ERBB4: variants seen among roughly 807,000 people sequenced by gnomAD.
The protein encoded by ERBB4 is erb-b2 receptor tyrosine kinase 4, also known as receptor tyrosine-protein kinase erbB-4.
In ERBB4, 42 loss-of-function variants were observed where a neutral mutation model predicts 158.0. The observed-to-expected ratio is 0.27, with a 90% confidence interval of 0.21 to 0.34. The LOEUF (loss-of-function observed/expected upper bound fraction) is 0.34. Ranked by LOEUF, ERBB4 falls within the 10% of genes least tolerant of loss-of-function variation. The probability of loss-of-function intolerance (pLI) is 1.00; values close to 1 mark genes in which losing one functional copy is unlikely to be tolerated. For missense variants in ERBB4, 1,333 were observed against 1,624.1 expected (o/e 0.82, Z 3.08); for synonymous variants, 583 against 558.7 (o/e 1.04, Z -0.61).
At chr2:211,903,797 A>G (rs2079302177) in intron 3 of ERBB4, among the ~76,000 whole-genome samples, 1 of 151,984 alleles carries the variant, frequency 6.6e-6, no homozygotes, top group African/African-American at 2.4e-5. Context: ...AAGAAAAAAA[A>G]AAGCACCTTT....
At chr2:212,410,905 G>A (rs1353051831) in intron 1 of ERBB4, among the ~76,000 whole-genome samples, 1 of 151,888 alleles carries the variant, frequency 6.6e-6, no homozygotes, top group Non-Finnish European at 1.5e-5. Flanking sequence ...TTAATTTGTA[G>A]CCTCAAAATA....
intron 1 of ERBB4, among the ~76,000 whole-genome samples, chr2:212,340,749 T>A (rs1316843293): frequency 1.3e-5 from 2 of 152,182 alleles, no homozygotes; most frequent in Non-Finnish European, 2.9e-5. Context: ...CTACCTGCGG[T>A]GCAGCCTGGT....
At chr2:211,671,623 A>T (rs2071842766) in intron 14 of ERBB4, among the ~76,000 whole-genome samples, 1 of 152,164 alleles carries the variant, frequency 6.6e-6, no homozygotes, top group Non-Finnish European at 1.5e-5. Context: ...AGGGCCTATG[A>T]TGATTCCCAG....
intron 20 of ERBB4, among the ~76,000 whole-genome samples, chr2:211,506,476 A>G (rs2065754345): frequency 1.3e-5 from 2 of 152,108 alleles, no homozygotes; most frequent in African/African-American, 2.4e-5. Context: ...CTTTCATCTG[A>G]ACATGGAACA....
chr2:211,544,145 T>C (rs192708178), intron 20 of ERBB4, among the ~76,000 whole-genome samples: 103 of 152,164 alleles, frequency 6.8e-4, no homozygotes, highest in African/African-American at 2.4e-3. Flanking sequence ...CGTGTTTTAA[T>C]AGAAACTTTT....
chr2:212,046,644 T>A (rs983064938), intron 2 of ERBB4, among the ~76,000 whole-genome samples: 4 of 152,316 alleles, frequency 2.6e-5, no homozygotes, highest in African/African-American at 9.6e-5. Context: ...GATTCTTATA[T>A]TTTTCCACCA....
rs370096741 is a variant in ERBB4 at position 211,665,486 on chromosome 2, T to C, written c.1717-9A>G. On this transcript the variant is annotated splice_polypyrimidine_tract_variant and intron_variant, in intron 14 of 27. Transcript: ENST00000342788. ...GTACAGTTGTCAGGACCCTGAAATGTGAAAACGAAAAAAAAAGAAAAAAGA... is the reference window on the plus strand; with the variant it reads ...GTACAGTTGTCAGGACCCTGAAATGCGAAAACGAAAAAAAAAGAAAAAAGA... The C allele has an allele frequency of 4.3e-6, 7 of 1,613,420 alleles. No homozygotes were observed. Among genetic ancestry groups the C allele is most frequent in the Non-Finnish European group, 5.9e-6 (7 of 1,179,786 alleles).
chr2:211,941,465 A>G (rs906588480), intron 3 of ERBB4, among the ~76,000 whole-genome samples: 3 of 152,124 alleles, frequency 2.0e-5, no homozygotes, highest in Admixed American at 2.0e-4. Context: ...CAGAATGAAT[A>G]TGTCTCTTGT....
chr2:212,269,458 C>T (rs2085266078), intron 1 of ERBB4, among the ~76,000 whole-genome samples: 1 of 151,774 alleles, frequency 6.6e-6, no homozygotes, highest in Admixed American at 6.6e-5. Flanking sequence ...GATCCACATC[C>T]ATCAAAAGCA....
chr2:212,282,581 T>C (rs1291620404), intron 1 of ERBB4, among the ~76,000 whole-genome samples: 3 of 151,896 alleles, frequency 2.0e-5, no homozygotes, highest in South Asian at 2.1e-4. Context: ...AATATACTTG[T>C]TATTTACTAT....
chr2:212,532,760 TC>T (rs1376017148), intron 1 of ERBB4, among the ~76,000 whole-genome samples: 2 of 152,220 alleles, frequency 1.3e-5, no homozygotes, highest in African/African-American at 4.8e-5. Flanking sequence ...CATGCACTAT[TC>T]CTATTAAAGT....
rs114812745 is a variant in ERBB4, at chr2:212,509,318, C to T, written c.82+29131G>A. Among the ~76,000 whole-genome samples, 1,515 of 152,002 alleles carry T rather than the reference C, an allele frequency of 1.0e-2. 27 individuals are homozygous for T. Among genetic ancestry groups the T allele is most frequent in the African/African-American group, 0.034 (1,429 of 41,508 alleles). On this transcript the variant is annotated intron_variant, in intron 1 of 27. Coordinates refer to ENST00000342788, the MANE Select transcript of ERBB4 (RefSeq NM_005235.3). ...GTACAATCATTTTCCCATTATGACT[C>T]TTGTGTCCATTTGGTATGTGTTTTT...
chr2:211,733,105 G>A (rs1462390152), intron 5 of ERBB4, among the ~76,000 whole-genome samples: 1 of 152,160 alleles, frequency 6.6e-6, no homozygotes, highest in Non-Finnish European at 1.5e-5. Flanking sequence ...GTGTCAAAGA[G>A]GTAAGGGATT....
chr2:211,600,614 G>A (rs2068770286), intron 19 of ERBB4, among the ~76,000 whole-genome samples: 1 of 152,110 alleles, frequency 6.6e-6, no homozygotes, highest in Non-Finnish European at 1.5e-5. Flanking sequence ...TTTATTCAGA[G>A]TACCAGGTGT....
At chr2:212,468,398 T>G (rs1235442027) in intron 1 of ERBB4, among the ~76,000 whole-genome samples, 1 of 152,136 alleles carries the variant, frequency 6.6e-6, no homozygotes. Context: ...GATTGAATCA[T>G]GGGGTGAGCT....
intron 19 of ERBB4, among the ~76,000 whole-genome samples, chr2:211,590,191 G>A (rs2068417511): frequency 6.6e-6 from 1 of 152,106 alleles, no homozygotes; most frequent in Admixed American, 6.5e-5. Flanking sequence ...CAACTTAAAC[G>A]ACTCCATCGT....
chr2:211,725,033 G>T lies in ERBB4; in HGVS notation c.741+43C>A, dbSNP rs148534694. 1.3e-4 allele frequency: 178 copies of T among 1,337,570 alleles called. No individual in the cohort carries two copies. In the African/African-American group the frequency reaches 2.2e-3, roughly 16 times the overall value. 82.9% of individuals were successfully genotyped at this position (1,337,570 alleles called of 1,614,324 possible). A position where few individuals can be genotyped will look rare whatever the true frequency, so the allele number is the denominator to read the frequency against. ...AGTATGCCTGAATCAAATAGGGAAG[G>T]AAAGGAGAGCAGGATAATAAAAGAG... On this transcript the variant is annotated intron_variant, in intron 6 of 27. Coordinates refer to ENST00000342788, the MANE Select transcript of ERBB4 (RefSeq NM_005235.3).
chr2:211,980,739 T>C (rs1575468188), intron 2 of ERBB4, among the ~76,000 whole-genome samples: 1 of 152,180 alleles, frequency 6.6e-6, no homozygotes, highest in Non-Finnish European at 1.5e-5. Flanking sequence ...GATGCTTTGT[T>C]TGAAAATGTT....
At chr2:211,422,968 G>A (rs557228464) in intron 23 of ERBB4, among the ~76,000 whole-genome samples, 34 of 151,650 alleles carry the variant, frequency 2.2e-4, no homozygotes, top group African/African-American at 7.0e-4. Context: ...TTCCTTTTCC[G>A]GGAGTTCAGT....
Sources: allele counts gnomAD v4.1 joint callset (sites outside exome capture counted in the v4.1 genomes callset), GRCh38; gene constraint gnomAD v4.1.1; transcripts MANE v1.5; gene names NCBI Gene and HGNC (gene_info 2026-07-23, HGNC 2026-07-21).